The following ARAP1 variants were observed in gnomAD, a reference collection of about 807,000 sequenced individuals.
ARAP1 encodes ArfGAP with RhoGAP domain, ankyrin repeat and PH domain 1.
ARAP1 carries 76 observed loss-of-function variants against 172.2 expected under a neutral mutation model. The ratio of observed to expected loss-of-function variants is 0.44; its 90% CI spans 0.37 to 0.53. The LOEUF (loss-of-function observed/expected upper bound fraction) is 0.53, where lower values mean the gene tolerates loss of function less well. ARAP1 is among the 20% of genes least tolerant of loss of function. The probability of loss-of-function intolerance (pLI) is 0.00; values close to 1 mark genes in which losing one functional copy is unlikely to be tolerated. For missense variants in ARAP1, 1,686 were observed against 1,977.5 expected (o/e 0.85, Z 2.80); for synonymous variants, 804 against 803.3 (o/e 1.00, Z -0.01).
At chr11:72,715,628 T>A (rs1857239685) in intron 3 of ARAP1, among the ~76,000 whole-genome samples, 1 of 148,838 alleles carries the variant, frequency 6.7e-6, no homozygotes, top group Admixed American at 6.9e-5. Flanking sequence ...TGGAGTGCAA[T>A]GGCACAATCA....
chr11:72,742,531 G>A (rs947651032), intron 1 of ARAP1, among the ~76,000 whole-genome samples: 3 of 152,148 alleles, frequency 2.0e-5, no homozygotes, highest in South Asian at 2.1e-4. Context: ...GAGAAGGGGA[G>A]GTTAAGTGAT....
At chr11:72,697,797 G>A in intron 19 of ARAP1, 114 bp downstream of exon 19, 3 of 1,326,936 alleles carry the variant, frequency 2.3e-6, no homozygotes, top group Non-Finnish European at 3.1e-6. Flanking sequence ...GAGAGGGCAG[G>A]ATGGCGGCTC....
At position 72,695,346 on chromosome 11, in the gene ARAP1, C is replaced by T. The variant is rs376187464; in HGVS notation, c.3576+41G>A. The T allele has an allele frequency of 2.6e-5, 42 of 1,613,350 alleles. No individual in the cohort carries two copies. In the African/African-American group the frequency reaches 5.3e-4, roughly 21 times the overall value. ...CATCTGAGCCTGTACCTGGCCCAGC[C>T]TGATTCTCTAGCCCCTTGGCTTCTA... On this transcript the variant is annotated intron_variant, in intron 26 of 34. Transcript: ENST00000393609. The surrounding 1 kb of genome is among the most constrained non-coding windows in gnomAD (Gnocchi z 4.4).
chr11:72,743,298 A>C (rs1236981933), intron 1 of ARAP1, among the ~76,000 whole-genome samples: 1 of 152,224 alleles, frequency 6.6e-6, no homozygotes, highest in Admixed American at 6.5e-5. Context: ...AGGCATATTG[A>C]GCAGGCACTC....
chr11:72,706,867 A>C (rs894303957), intron 12 of ARAP1, among the ~76,000 whole-genome samples: 1 of 152,164 alleles, frequency 6.6e-6, no homozygotes. Context: ...TTCTTCTGAC[A>C]TGAGAGGAAC....
In ARAP1 at chr11:72,726,650, G is replaced by T; in HGVS notation, c.479C>A (p.Pro160His). 6.5e-7 allele frequency: 1 copy of T among 1,532,692 alleles called. No individual in the cohort carries two copies. Among genetic ancestry groups the T allele is most frequent in the Non-Finnish European group, 8.8e-7 (1 of 1,138,470 alleles). The allele number at this position is 1,532,692 out of a possible 1,614,324, so 94.9% of individuals were successfully genotyped here. A position where few individuals can be genotyped will look rare whatever the true frequency, so the allele number is the denominator to read the frequency against. ...LAELSVPPVPPRTGPPRLLVS... is the reference protein window; with the variant it reads ...LAELSVPPVPHRTGPPRLLVS... ...CAGCAGGCGGGGGGGTCCGGTGCGG[G>T]GCGGCACGGGTGGAACGCTCAGCTC... The change falls in exon 3 of 35, where the codon CCC becomes CAC. Residue 160 changes from proline to histidine, a missense_variant. Transcript: ENST00000393609. This position sits in a 1 kb window ranked among gnomAD's most constrained non-coding sequence, Gnocchi z 6.5.
rs372058547 is a variant in ARAP1 at position 72,751,366 on chromosome 11, C to G, written c.-128+962G>C. ...GGGTCCTTATCCTTGTAAATTGCCA[C>G]TTAACTGCCAAGCCCATTCCAGTCA... On this transcript the variant is annotated intron_variant, in intron 1 of 34. Transcript: ENST00000393609. Among the ~76,000 whole-genome samples, 7 of 152,286 alleles carry G rather than the reference C, an allele frequency of 4.6e-5. No individual in the cohort carries two copies. The East Asian group carries it at 1.3e-3, about 29-fold the overall frequency.
At chr11:72,707,582 G>C (rs1299277570) in intron 11 of ARAP1, among the ~76,000 whole-genome samples, 2 of 152,170 alleles carry the variant, frequency 1.3e-5, no homozygotes, top group African/African-American at 2.4e-5. Context: ...GGAGCCCAGT[G>C]GGGGGCTCTG....
chr11:72,696,449 A>T, intron 23 of ARAP1, 100 bp downstream of exon 23: 1 of 960,672 alleles, frequency 1.0e-6, no homozygotes, highest in Non-Finnish European at 1.5e-6. Flanking sequence ...ACTTGGTGCA[A>T]AAGCCCAGCT....
chr11:72,746,911 T>C (rs1382167496), intron 1 of ARAP1, among the ~76,000 whole-genome samples: 1 of 152,216 alleles, frequency 6.6e-6, no homozygotes, highest in Non-Finnish European at 1.5e-5. Context: ...CCCTGCCCTA[T>C]GCATTATGGG....
chr11:72,713,320 A>G, intron 4 of ARAP1, 77 bp from the exon 5 acceptor site: 4 of 1,383,960 alleles, frequency 2.9e-6, no homozygotes, highest in Non-Finnish European at 4.1e-6. Flanking sequence ...TGGGCTTCAC[A>G]AAGCCTCCCC....
intron 31 of ARAP1, 148 bp from the exon 32 acceptor site, chr11:72,687,886 C>G (rs1238083743): frequency 2.2e-6 from 2 of 907,852 alleles, no homozygotes; most frequent in African/African-American, 3.3e-5. Flanking sequence ...CTGGCCTCTT[C>G]CTGTCTCAGC....
rs777493800 is a variant in ARAP1 at position 72,725,201 on chromosome 11, G to A, written c.509+1419C>T. The stretch of plus-strand genomic sequence containing the variant: ...ACAGGAAGGGCCTGAGAGGGGACCT[G>A]GCCAGGGCCCTGCTTCTTCCCTTTG... On this transcript the variant is annotated intron_variant, in intron 3 of 34. Coordinates refer to ENST00000393609, the MANE Select transcript of ARAP1 (RefSeq NM_001040118.3). The surrounding 1 kb of genome is among the most constrained non-coding windows in gnomAD (Gnocchi z 4.3). Among the ~76,000 whole-genome samples the A allele has an allele frequency of 2.2e-4, 34 of 152,252 alleles. No individual in the cohort carries two copies. The highest frequency in any genetic ancestry group is 4.6e-4 in the Non-Finnish European group (31 of 68,000).
In ARAP1 at chr11:72,692,839, C is replaced by A. The variant is rs764907949; in HGVS notation, c.3955-54G>T. ...AGAAGTCCCAGGTCTAGAGCCAGGA[C>A]AGCATGTGCAGTGATGTGTGGGGTT... is the stretch of plus-strand genomic sequence containing the variant. On this transcript the variant is annotated intron_variant, in intron 29 of 34. Transcript: ENST00000393609. 11 of 1,605,706 alleles carry A rather than the reference C, an allele frequency of 6.9e-6. No individual in the cohort carries two copies. Among genetic ancestry groups the A allele is most frequent in the African/African-American group, 1.3e-5 (1 of 74,850 alleles).
rs1351870748 is a variant in ARAP1 at position 72,697,583 on chromosome 11, G to GAGGC, written c.2789+11_2789+14dup. 7 of 1,614,024 alleles carry GAGGC rather than the reference G, an allele frequency of 4.3e-6. No individual in the cohort carries two copies. The highest frequency in any genetic ancestry group is 1.7e-5 in the Admixed American group (1 of 60,000). On this transcript the variant is annotated intron_variant, in intron 20 of 34. Coordinates refer to ENST00000393609, the MANE Select transcript of ARAP1 (RefSeq NM_001040118.3). ...TCCAGCCTTCTCAGAGCCCCTCAGGGAGGCCGTGGCTCACCTCCTTCGCTC... is the reference window on the plus strand; with the variant it reads ...TCCAGCCTTCTCAGAGCCCCTCAGGGAGGCAGGCCGTGGCTCACCTCCTTCGCTC...
intron 3 of ARAP1, among the ~76,000 whole-genome samples, chr11:72,718,534 G>A (rs75896506): frequency 0.12 from 18,296 of 151,546 alleles, 1,390 homozygotes; most frequent in South Asian, 0.18. Context: ...CAGCTCAGCC[G>A]GCCTCCTCCT....
In ARAP1 at chr11:72,712,457, C is replaced by T. The variant is rs536123303; in HGVS notation, c.859G>A (p.Ala287Thr). ...ACTCACTTGGGGACGCCCTCATAGG[C>T]GTGGTCATCCTCTTCCTCATCCCCT... is the stretch of plus-strand genomic sequence containing the variant. ...DQGDEEEDDH[A>T]YEGVPNGGWH... The change falls in exon 6 of 35, where the codon GCC becomes ACC. Residue 287 changes from alanine to threonine, a missense_variant. Transcript: ENST00000393609. 2.7e-5 allele frequency: 43 copies of T among 1,595,644 alleles called. No homozygotes were observed. Among genetic ancestry groups the T allele is most frequent in the South Asian group, 1.7e-4 (15 of 89,642 alleles).
At position 72,714,160 on chromosome 11, in the gene ARAP1, G is replaced by A. The variant is rs761342460; in HGVS notation, c.671C>T (p.Pro224Leu). The A allele has an allele frequency of 6.7e-7, 1 of 1,487,624 alleles. No homozygotes were observed. The highest frequency in any genetic ancestry group is 8.9e-7 in the Non-Finnish European group (1 of 1,124,446). The allele number at this position is 1,487,624 out of a possible 1,614,324, so 92.2% of individuals were successfully genotyped here. A position where few individuals can be genotyped will look rare whatever the true frequency, so the allele number is the denominator to read the frequency against. The change falls in exon 4 of 35, where the codon CCA (proline) becomes CTA (leucine). Residue 224 changes from proline (P) to leucine (L), a missense_variant. Pro to Leu is a moderately conservative substitution (Grantham distance 98). Coordinates refer to ENST00000393609, the MANE Select transcript of ARAP1 (RefSeq NM_001040118.3). ...CTGGCTGCAGCACTCACCGAACTCT[G>A]GGAACAGGCGTACCGGCTTTGGAGG... is the stretch of plus-strand genomic sequence containing the variant. The part of the protein sequence containing the change: ...EIPPKPVRLF[P>L]EFDDSDYDEV...
In ARAP1 at chr11:72,696,822, C is replaced by T; in HGVS notation, c.3166+161G>A. On this transcript the variant is annotated intron_variant, in intron 22 of 34. Coordinates refer to ENST00000393609, the MANE Select transcript of ARAP1 (RefSeq NM_001040118.3). ...AAGGAACTCTCGGTCTTCCAGGGCC[C>T]CTGGCTCTGTATGGAGCGGCGATGG... 4 of 972,568 alleles carry T rather than the reference C, an allele frequency of 4.1e-6. No homozygotes were observed. The South Asian group carries it at 6.8e-5, about 16-fold the overall frequency. The allele number at this position is 972,568 out of a possible 1,614,324, so 60.2% of individuals were successfully genotyped here. A position where few individuals can be genotyped will look rare whatever the true frequency, so the allele number is the denominator to read the frequency against.
Sources: gnomAD v4.1 joint callset for allele counts (sites outside exome capture counted in the v4.1 genomes callset) on GRCh38, gnomAD v4.1.1 for gene constraint, Gnocchi (gnomAD v3.1) non-coding constraint, MANE v1.5 for transcripts, NCBI Gene and HGNC (gene_info 2026-07-23, HGNC 2026-07-21) for gene names.